SLC35F3: variants seen among roughly 807,000 people sequenced by gnomAD.
The protein encoded by SLC35F3 is putative thiamine transporter SLC35F3.
SLC35F3 carries 25 observed loss-of-function variants against 49.9 expected under a neutral mutation model. The observed-to-expected ratio is 0.50, with a 90% CI of 0.37 to 0.70. The LOEUF is 0.70. SLC35F3 is among the 30% of genes least tolerant of loss of function. The pLI is 0.00. For missense variants in SLC35F3, 525 were observed against 639.8 expected (o/e 0.82, Z 1.94); for synonymous variants, 275 against 265.4 (o/e 1.04, Z -0.35).
At chr1:234,292,346 G>T (rs1465197355) in intron 3 of SLC35F3, among the ~76,000 whole-genome samples, 1 of 152,238 alleles carries the variant, frequency 6.6e-6, no homozygotes. Flanking sequence ...GGAAGATTTT[G>T]ACTCCCTTGA....
At chr1:233,917,508 A>G (rs1661992374) in intron 2 of SLC35F3, among the ~76,000 whole-genome samples, 1 of 152,164 alleles carries the variant, frequency 6.6e-6, no homozygotes, top group Admixed American at 6.5e-5. Flanking sequence ...AGATCAAGCT[A>G]CTAAACCAGC....
chr1:234,226,210 C>T (rs1300191013), intron 2 of SLC35F3, among the ~76,000 whole-genome samples: 1 of 152,088 alleles, frequency 6.6e-6, no homozygotes, highest in African/African-American at 2.4e-5. Flanking sequence ...CTCTATAGAC[C>T]TTACTGAAAT....
intron 2 of SLC35F3, among the ~76,000 whole-genome samples, chr1:234,165,257 T>C (rs747693416): frequency 1.5e-4 from 23 of 152,184 alleles, no homozygotes; most frequent in Non-Finnish European, 2.8e-4. Context: ...GTAGATATTA[T>C]TCCATGTCAG....
intron 2 of SLC35F3, among the ~76,000 whole-genome samples, chr1:234,067,754 A>T (rs1253326168): frequency 6.6e-6 from 1 of 152,218 alleles, no homozygotes; most frequent in Admixed American, 6.5e-5. Flanking sequence ...CTGCAGCTGC[A>T]TGCATGACCC....
intron 2 of SLC35F3, among the ~76,000 whole-genome samples, chr1:233,950,323 T>C (rs1383418392): frequency 7.2e-6 from 1 of 138,994 alleles, no homozygotes; most frequent in Non-Finnish European, 1.5e-5. Context: ...GAGGCGGAGC[T>C]TGCAGTGAGC....
rs776287632 is a variant in SLC35F3, at chr1:234,231,546, G to A, written c.413G>A (p.Gly138Asp). Residue 138 changes from glycine (G) to aspartate (D), a missense_variant, in exon 3 of 8, where the codon GGC becomes GAC. Transcript: ENST00000366618. The surrounding 1 kb of genome is among the most constrained non-coding windows in gnomAD (Gnocchi z 5.4). Reference sequence around the variant, plus strand: ...GCGCAACTCAAGAAGATCTTCTGGGGCGTGGCGGTCGTGCTGTGCGTGTGC... The same window carrying A: ...GCGCAACTCAAGAAGATCTTCTGGGACGTGGCGGTCGTGCTGTGCGTGTGC... ...SRAQLKKIFW[G>D]VAVVLCVCSS... 3.1e-6 allele frequency: 5 copies of A among 1,614,004 alleles called. No homozygotes were observed. The highest frequency in any genetic ancestry group is 4.2e-6 in the Non-Finnish European group (5 of 1,179,994).
chr1:234,080,548 A>G (rs1355465128), intron 2 of SLC35F3, among the ~76,000 whole-genome samples: 1 of 152,218 alleles, frequency 6.6e-6, no homozygotes, highest in Non-Finnish European at 1.5e-5. Context: ...GCAACCATTA[A>G]AAGGAATGAA....
At chr1:234,140,110 G>T (rs556423850) in intron 2 of SLC35F3, among the ~76,000 whole-genome samples, 1 of 151,844 alleles carries the variant, frequency 6.6e-6, no homozygotes, top group Non-Finnish European at 1.5e-5. Flanking sequence ...TGGATATGCC[G>T]GACAAAGGGG....
chr1:234,148,445 C>G (rs1421374851), intron 2 of SLC35F3, among the ~76,000 whole-genome samples: 1 of 152,138 alleles, frequency 6.6e-6, no homozygotes, highest in Non-Finnish European at 1.5e-5. Context: ...ATTATGAAAC[C>G]CTGTTCAACA....
At chr1:234,156,182 A>G (rs186464329) in intron 2 of SLC35F3, among the ~76,000 whole-genome samples, 1 of 152,362 alleles carries the variant, frequency 6.6e-6, no homozygotes, top group Admixed American at 6.5e-5. Flanking sequence ...ATGTCAAGAA[A>G]TAGAACAAAG....
intron 3 of SLC35F3, among the ~76,000 whole-genome samples, chr1:234,302,775 G>C (rs1668713148): frequency 6.6e-6 from 1 of 152,088 alleles, no homozygotes; most frequent in African/African-American, 2.4e-5. Flanking sequence ...CTCTCTCTCT[G>C]TGGTTTTCAA....
chr1:234,039,833 G>A (rs1421563229), intron 2 of SLC35F3, among the ~76,000 whole-genome samples: 3 of 152,208 alleles, frequency 2.0e-5, no homozygotes, highest in Non-Finnish European at 4.4e-5. Context: ...CCAGGTGGGG[G>A]TGCCTGCAAC....
intron 2 of SLC35F3, among the ~76,000 whole-genome samples, chr1:234,190,209 C>A (rs757411201): frequency 1.3e-5 from 2 of 152,126 alleles, no homozygotes; most frequent in Non-Finnish European, 2.9e-5. Flanking sequence ...TTGAATAGTA[C>A]CTCACATCTC....
At chr1:234,232,546 AG>A in intron 3 of SLC35F3, among the ~76,000 whole-genome samples, 5 of 150,554 alleles carry the variant, frequency 3.3e-5, no homozygotes, top group African/African-American at 7.4e-5. Context: ...AAAAAGAAAA[AG>A]AAAAAAAGAA....
At chr1:234,262,347 G>T (rs140910764) in intron 3 of SLC35F3, among the ~76,000 whole-genome samples, 14 of 152,320 alleles carry the variant, frequency 9.2e-5, no homozygotes, top group African/African-American at 2.9e-4. Context: ...GTGAGATAGG[G>T]TTAATAGACT....
chr1:234,039,067 G>A (rs1664183726), intron 2 of SLC35F3, among the ~76,000 whole-genome samples: 1 of 152,234 alleles, frequency 6.6e-6, no homozygotes, highest in Admixed American at 6.5e-5. Flanking sequence ...GGAGCCTAGA[G>A]TTAAGGGAAG....
intron 2 of SLC35F3, among the ~76,000 whole-genome samples, chr1:234,102,758 T>C (rs1419999747): frequency 6.6e-6 from 1 of 152,224 alleles, no homozygotes; most frequent in African/African-American, 2.4e-5. Flanking sequence ...AGAGTCTAGC[T>C]GCCCAAGCAG....
chr1:233,909,231 A>C (rs1288407483), intron 2 of SLC35F3, among the ~76,000 whole-genome samples: 1 of 151,374 alleles, frequency 6.6e-6, no homozygotes, highest in Admixed American at 6.5e-5. Flanking sequence ...TCAACTGAGA[A>C]TTAAACTGTA....
At chr1:234,021,231 G>T (rs1422451189) in intron 2 of SLC35F3, among the ~76,000 whole-genome samples, 1 of 152,164 alleles carries the variant, frequency 6.6e-6, no homozygotes, top group African/African-American at 2.4e-5. Flanking sequence ...TAGCAAATTG[G>T]TACAGGTTGG....
Sources: gnomAD v4.1 joint callset for allele counts (sites outside exome capture counted in the v4.1 genomes callset) on GRCh38, gnomAD v4.1.1 for gene constraint, Gnocchi (gnomAD v3.1) non-coding constraint, MANE v1.5 for transcripts, NCBI Gene and HGNC (gene_info 2026-07-23, HGNC 2026-07-21) for gene names.